ZFAND3: variants seen among roughly 807,000 people sequenced by gnomAD.
ZFAND3 encodes the protein zinc finger AN1-type containing 3.
A neutral mutation model predicts 29.6 loss-of-function variants in ZFAND3; 10 were observed. The observed-to-expected ratio is 0.34, with a 90% CI of 0.21 to 0.57. ZFAND3 has a LOEUF of 0.57. Among genes scored for constraint, ZFAND3 ranks in the 20% least tolerant of loss-of-function variants. ZFAND3 has a pLI of 0.86. For synonymous variants in ZFAND3, 128 were observed against 112.6 expected (o/e 1.14, Z -0.87); for missense variants, 230 against 304.5 (o/e 0.76, Z 1.82).
intron 2 of ZFAND3, among the ~76,000 whole-genome samples, chr6:37,963,126 G>C (rs1479770316): frequency 6.6e-6 from 1 of 152,156 alleles, no homozygotes; most frequent in East Asian, 1.9e-4. Flanking sequence ...CGCTGCGAGG[G>C]TCCGCAGCTT....
intron 1 of ZFAND3, among the ~76,000 whole-genome samples, chr6:37,905,632 A>G (rs1024206357): frequency 1.9e-4 from 29 of 152,120 alleles, no homozygotes; most frequent in Non-Finnish European, 2.9e-5. Context: ...AAAATGTGGC[A>G]TATTCATAGA....
At chr6:38,102,706 G>A (rs1388381850) in intron 4 of ZFAND3, among the ~76,000 whole-genome samples, 1 of 152,152 alleles carries the variant, frequency 6.6e-6, no homozygotes, top group Non-Finnish European at 1.5e-5. Context: ...TAGGCTTCAC[G>A]TAACTACAGA....
At position 37,870,292 on chromosome 6, in the gene ZFAND3, C is replaced by CAAAAAAA. The variant is rs1174577231; in HGVS notation, c.71+50297_71+50303dup. Among the ~76,000 whole-genome samples the CAAAAAAA allele has an allele frequency of 1.6e-3, 52 of 33,490 alleles. 7 individuals carry two copies. Among genetic ancestry groups the CAAAAAAA allele is most frequent in the Non-Finnish European group, 2.4e-3 (47 of 19,866 alleles). The allele number at this position is 33,490 out of a possible 152,430, so 22.0% of individuals were successfully genotyped here. A position where few individuals can be genotyped will look rare whatever the true frequency, so the allele number is the denominator to read the frequency against. On this transcript the variant is annotated intron_variant, in intron 1 of 5. Transcript: ENST00000287218. ...CCTGGGCGACAGAGCGAGACTGTCTCAAAAAAAAAAAAAAAAAAAAAAAAA... is the reference window on the plus strand; with the variant it reads ...CCTGGGCGACAGAGCGAGACTGTCTCAAAAAAAAAAAAAAAAAAAAAAAAAAAAAAAA...
chr6:38,130,588 A>T (rs1765723517), intron 5 of ZFAND3, among the ~76,000 whole-genome samples: 2 of 151,980 alleles, frequency 1.3e-5, no homozygotes, highest in Admixed American at 1.3e-4. Context: ...TTTTGTTTTC[A>T]ATTATGTTTG....
At chr6:38,049,871 C>A (rs1263276412) in intron 2 of ZFAND3, among the ~76,000 whole-genome samples, 2 of 101,948 alleles carry the variant, frequency 2.0e-5, no homozygotes, top group African/African-American at 3.5e-5. Flanking sequence ...TCTCCTCGCT[C>A]CCCCACCCCC....
At chr6:37,931,491 C>G (rs977230659) in intron 2 of ZFAND3, among the ~76,000 whole-genome samples, 1 of 149,856 alleles carries the variant, frequency 6.7e-6, no homozygotes, top group African/African-American at 2.5e-5. Flanking sequence ...GTGCAGTGAG[C>G]TGAGATTGCG....
intron 1 of ZFAND3, among the ~76,000 whole-genome samples, chr6:37,844,332 A>T (rs1764137416): frequency 1.3e-5 from 2 of 152,084 alleles, no homozygotes; most frequent in Admixed American, 6.5e-5. Context: ...CCCAGGCTGG[A>T]GTGCAGTGGC....
chr6:38,033,527 A>G (rs1343432863), intron 2 of ZFAND3, among the ~76,000 whole-genome samples: 2 of 152,158 alleles, frequency 1.3e-5, no homozygotes, highest in East Asian at 1.9e-4. Flanking sequence ...TAACCAGGTA[A>G]TTAGAACAGC....
At chr6:38,134,614 T>A (rs1765805611) in intron 5 of ZFAND3, among the ~76,000 whole-genome samples, 1 of 152,214 alleles carries the variant, frequency 6.6e-6, no homozygotes, top group South Asian at 2.1e-4. Context: ...ATCCTTTATT[T>A]ATTAGATGAG....
At chr6:37,919,649 G>A (rs947885739) in intron 1 of ZFAND3, among the ~76,000 whole-genome samples, 3 of 152,114 alleles carry the variant, frequency 2.0e-5, no homozygotes, top group African/African-American at 4.8e-5. Context: ...TCATCTTGAC[G>A]TCATTTATGA....
intron 2 of ZFAND3, among the ~76,000 whole-genome samples, chr6:38,057,666 G>A (rs148349780): frequency 3.0e-4 from 46 of 152,228 alleles, no homozygotes; most frequent in Admixed American, 7.9e-4. Context: ...AATCCACGTC[G>A]TCACTCTAAA....
At chr6:37,878,481 G>A (rs6903743) in intron 1 of ZFAND3, among the ~76,000 whole-genome samples, 33,058 of 151,800 alleles carry the variant, frequency 0.22, 4,495 homozygotes, top group African/African-American at 0.38. Flanking sequence ...GGTGAGGCAG[G>A]GCTTGATGTA....
intron 5 of ZFAND3, among the ~76,000 whole-genome samples, chr6:38,151,731 A>T (rs151125008): frequency 6.6e-6 from 1 of 152,126 alleles, no homozygotes; most frequent in Non-Finnish European, 1.5e-5. Flanking sequence ...GCTCCCACTC[A>T]TTTTTGGGTT....
chr6:37,912,030 C>CTGTGTGTGTGTG (rs59017250), intron 1 of ZFAND3, among the ~76,000 whole-genome samples: 209 of 139,798 alleles, frequency 1.5e-3, no homozygotes, highest in Middle Eastern at 3.5e-3. Context: ...AGTCTTTTAT[C>CTGTGTGTGTGTG]TGTGTGTGTG....
intron 1 of ZFAND3, among the ~76,000 whole-genome samples, chr6:37,909,535 C>T (rs1765481854): frequency 6.6e-6 from 1 of 151,894 alleles, no homozygotes; most frequent in Non-Finnish European, 1.5e-5. Context: ...CTGCCCTTGG[C>T]CTCTCAAAGT....
chr6:37,970,811 A>AG (rs1762374127), intron 2 of ZFAND3, among the ~76,000 whole-genome samples: 2 of 152,198 alleles, frequency 1.3e-5, no homozygotes, highest in Non-Finnish European at 2.9e-5. Flanking sequence ...AGGCTGAGAT[A>AG]GGAGAATGGC....
Position 38,001,318 on chromosome 6 carries a change from C to G in ZFAND3, c.113-60275C>G, listed in dbSNP as rs556517264. ...GTTCACTGCTCTCCTCTTCACAGAT[C>G]CATTACTACTAGTGTTTGACCTTCT... On this transcript the variant is annotated intron_variant, in intron 2 of 5. Coordinates refer to ENST00000287218, the MANE Select transcript of ZFAND3 (RefSeq NM_021943.3). Among the ~76,000 whole-genome samples, 5 of 152,310 alleles carry G rather than the reference C, an allele frequency of 3.3e-5. No homozygotes were observed. The South Asian group carries it at 6.2e-4, about 19-fold the overall frequency.
chr6:38,061,798 G>T (rs775775314), intron 3 of ZFAND3, 23 bp downstream of exon 3: 1 of 1,612,094 alleles, frequency 6.2e-7, no homozygotes, highest in South Asian at 1.1e-5. Flanking sequence ...CTTCTGAGGG[G>T]TGGTAGAGAG....
intron 2 of ZFAND3, among the ~76,000 whole-genome samples, chr6:38,049,027 A>AGTCGG (rs1763966444): frequency 6.6e-6 from 1 of 152,136 alleles, no homozygotes; most frequent in Non-Finnish European, 1.5e-5. Context: ...TTTACATTTG[A>AGTCGG]AATCACATGC....
Sources: gnomAD v4.1 joint callset for allele counts (sites outside exome capture counted in the v4.1 genomes callset) on GRCh38, gnomAD v4.1.1 for gene constraint, MANE v1.5 for transcripts, NCBI Gene and HGNC (gene_info 2026-07-23, HGNC 2026-07-21) for gene names.